ACSL5: variants seen among roughly 807,000 people sequenced by gnomAD.
The protein encoded by ACSL5 is acyl-CoA synthetase long chain family member 5.
ACSL5 carries 50 observed loss-of-function variants against 84.9 expected under a neutral mutation model. That is an observed-to-expected ratio of 0.59 (90% CI 0.47 to 0.75). The LOEUF is 0.75. Ranked by LOEUF, ACSL5 falls within the 30% of genes least tolerant of loss-of-function variation. The pLI is 0.00. For missense variants in ACSL5, 775 were observed against 830.4 expected, an observed-to-expected ratio of 0.93 and a Z score of 0.82; for synonymous variants, 280 against 300.7, an observed-to-expected ratio of 0.93 and a Z score of 0.71.
chr10:112,401,843 C>CTTT (rs1564736549), intron 3 of ACSL5, among the ~76,000 whole-genome samples: 1,438 of 59,804 alleles, frequency 0.024, 16 homozygotes, highest in East Asian at 0.084. Context: ...TTTCTTTCTT[C>CTTT]CTTCCTTCCT....
chr10:112,394,809 CGTGTGTGTGTGTATGT>C (rs1843709941), intron 1 of ACSL5, 93 bp from the exon 2 acceptor site: 2 of 1,504,234 alleles, frequency 1.3e-6, no homozygotes, highest in Admixed American at 4.1e-5. Flanking sequence ...GGCGTGCGCG[CGTGTGTGTGTGTATGT>C]GTGTGTGTGT....
chr10:112,415,954 T>A (rs1844304006), intron 12 of ACSL5, among the ~76,000 whole-genome samples: 1 of 152,080 alleles, frequency 6.6e-6, no homozygotes, highest in Admixed American at 6.6e-5. Context: ...CACAGTGAGG[T>A]CAGAGTCAGG....
At position 112,401,786 on chromosome 10, in the gene ACSL5, CTCTTTCTT is replaced by C. The variant is rs1178224793; in HGVS notation, c.266-2676_266-2669del. ...TTTCTTTCTTTCTTTTTCTTTCTTT[CTCTTTCTT>C]TCTTTCTTTCTTTCTTTCTTTCTTT... is the stretch of plus-strand genomic sequence containing the variant. On this transcript the variant is annotated intron_variant, in intron 3 of 20. Transcript: ENST00000354655. 9.9e-3 allele frequency among the ~76,000 whole-genome samples: 1,181 copies of C among 119,374 alleles called. 12 individuals are homozygous for C. The highest frequency in any genetic ancestry group is 0.032 in the African/African-American group (910 of 28,086). The allele number at this position is 119,374 out of a possible 152,430, so 78.3% of individuals were successfully genotyped here. A position where few individuals can be genotyped will look rare whatever the true frequency, so the allele number is the denominator to read the frequency against.
chr10:112,399,643 C>T (rs963775410), intron 3 of ACSL5, among the ~76,000 whole-genome samples: 3 of 152,220 alleles, frequency 2.0e-5, no homozygotes, highest in Admixed American at 6.5e-5. Context: ...TTAAAAGCTG[C>T]TGGCTTATAG....
At chr10:112,402,908 C>T (rs1301181076) in intron 3 of ACSL5, among the ~76,000 whole-genome samples, 1 of 152,182 alleles carries the variant, frequency 6.6e-6, no homozygotes, top group African/African-American at 2.4e-5. Context: ...AGCCTAATAC[C>T]ACTACTTCCT....
chr10:112,408,547 C>T, intron 6 of ACSL5, 26 bp downstream of exon 6: 2 of 1,442,898 alleles, frequency 1.4e-6, no homozygotes, highest in Non-Finnish European at 2.0e-6. Context: ...TACATTACAA[C>T]TTGATTCTTT....
At chr10:112,423,647 CA>C (rs1844562887) in intron 17 of ACSL5, among the ~76,000 whole-genome samples, 1 of 152,082 alleles carries the variant, frequency 6.6e-6, no homozygotes, top group South Asian at 2.1e-4. Context: ...TTTTTAGACC[CA>C]AACTGAAGGT....
At chr10:112,394,352 T>G (rs1021173853) in intron 1 of ACSL5, among the ~76,000 whole-genome samples, 4 of 152,250 alleles carry the variant, frequency 2.6e-5, no homozygotes, top group African/African-American at 9.6e-5. Context: ...TCAGAAATCC[T>G]TCCGATGCTC....
intron 17 of ACSL5, among the ~76,000 whole-genome samples, chr10:112,423,854 G>T (rs1193798291): frequency 6.6e-6 from 1 of 152,092 alleles, no homozygotes; most frequent in Non-Finnish European, 1.5e-5. Context: ...AGCCAAGTGT[G>T]GCAGCTCACG....
chr10:112,386,859 A>G (rs1849464230), intron 1 of ACSL5, among the ~76,000 whole-genome samples: 2 of 152,218 alleles, frequency 1.3e-5, no homozygotes, highest in African/African-American at 4.8e-5. Flanking sequence ...TTTGTATAAA[A>G]TATAGGAAAG....
intron 1 of ACSL5, among the ~76,000 whole-genome samples, chr10:112,374,850 A>G (rs1030158752): frequency 2.0e-5 from 3 of 152,174 alleles, no homozygotes; most frequent in Non-Finnish European, 4.4e-5. Flanking sequence ...TGGTGTGGCT[A>G]GAATTTGAGA....
chr10:112,387,285 A>T (rs1467750921), intron 1 of ACSL5, among the ~76,000 whole-genome samples: 3 of 152,224 alleles, frequency 2.0e-5, no homozygotes, highest in African/African-American at 7.2e-5. Context: ...ATGATTTTTT[A>T]AAAGCCCTTC....
chr10:112,394,931 G>A lies in ACSL5; in HGVS notation c.-16G>A, dbSNP rs372549100. 17 of 1,612,218 alleles carry A rather than the reference G, an allele frequency of 1.1e-5. No homozygotes were observed. The highest frequency in any genetic ancestry group is 1.4e-5 in the Non-Finnish European group (17 of 1,179,764). The stretch of plus-strand genomic sequence containing the variant: ...TTTTTTTTTAAGGTCTGAATTTCCT[G>A]CTGCTGTTCACAAAGATGCTTTTTA... On this transcript the variant is annotated 5_prime_UTR_variant, in exon 2 of 21. Transcript: ENST00000354655.
chr10:112,384,719 ACTCAAACTCCTGGT>A (rs1849416779), intron 1 of ACSL5, among the ~76,000 whole-genome samples: 1 of 151,804 alleles, frequency 6.6e-6, no homozygotes, highest in Admixed American at 6.6e-5. Flanking sequence ...TGTTCCCCAG[ACTCAAACTCCTGGT>A]CTCAAACTCC....
intron 7 of ACSL5, chr10:112,410,156 G>A (rs1844144577): frequency 1.5e-6 from 2 of 1,351,136 alleles, no homozygotes; most frequent in East Asian, 3.4e-5. Context: ...CTCTGAAAAT[G>A]TTAGCTATTC....
rs1003004235 is a variant in ACSL5, at chr10:112,417,956, T to C, written c.1314+15T>C. Reference sequence around the variant, plus strand: ...TGGGATGTCAGGTAAGCCAAGCACCTTCTTTGAGAATAGGCTATTTTACTT... The same window carrying C: ...TGGGATGTCAGGTAAGCCAAGCACCCTCTTTGAGAATAGGCTATTTTACTT... On this transcript the variant is annotated intron_variant, in intron 14 of 20. Transcript: ENST00000354655. 6 of 1,577,886 alleles carry C rather than the reference T, an allele frequency of 3.8e-6. No individual in the cohort carries two copies. In the Admixed American group the frequency reaches 7.4e-5, roughly 19 times the overall value.
At position 112,410,478 on chromosome 10, in the gene ACSL5, C is replaced by A. The variant is rs1183148929; in HGVS notation, c.727C>A (p.His243Asn). 1 of 1,614,158 alleles carries A rather than the reference C, an allele frequency of 6.2e-7. No homozygotes were observed. Among genetic ancestry groups the A allele is most frequent in the African/African-American group, 1.3e-5 (1 of 75,066 alleles). Reference protein sequence around the residue: ...LYDAENLGKEHFRKPVPPSPE... With the variant: ...LYDAENLGKENFRKPVPPSPE... ...ATTCACATAGAACCTAGGCAAAGAG[C>A]ACTTCAGAAAACCTGTGGTAAGTTT... is the stretch of plus-strand genomic sequence containing the variant. The change falls in exon 8 of 21, where the codon CAC (histidine) becomes AAC (asparagine). Residue 243 changes from histidine (H) to asparagine (N), a missense_variant. His to Asn is a moderately conservative substitution (Grantham distance 68, BLOSUM62 1). Transcript: ENST00000354655.
intron 2 of ACSL5, 38 bp downstream of exon 2, chr10:112,395,140 C>A: frequency 1.9e-6 from 3 of 1,581,624 alleles, no homozygotes; most frequent in South Asian, 2.2e-5. Context: ...GTCAACCTTC[C>A]TCAAACTCAA....
At chr10:112,417,761 C>A in intron 13 of ACSL5, 85 bp from the exon 14 acceptor site, 1 of 1,016,596 alleles carries the variant, frequency 9.8e-7, no homozygotes. Flanking sequence ...AACAACGCTG[C>A]ACAGGCTATT....
Sources: gnomAD v4.1 joint callset for allele counts (sites outside exome capture counted in the v4.1 genomes callset) on GRCh38, gnomAD v4.1.1 for gene constraint, MANE v1.5 for transcripts, NCBI Gene and HGNC (gene_info 2026-07-23, HGNC 2026-07-21) for gene names.